The following PTPRU variants were observed in gnomAD, a reference collection of about 807,000 sequenced individuals.
The protein encoded by PTPRU is protein tyrosine phosphatase receptor type U, also known as receptor-type tyrosine-protein phosphatase U.
PTPRU carries 69 observed loss-of-function variants against 166.3 expected under a neutral mutation model. The ratio of observed to expected loss-of-function variants is 0.41; its 90% CI spans 0.34 to 0.51. The LOEUF (loss-of-function observed/expected upper bound fraction) is 0.51, where lower values mean the gene tolerates loss of function less well. Ranked by LOEUF, PTPRU falls within the 20% of genes least tolerant of loss-of-function variation. The pLI, the probability that PTPRU is intolerant of heterozygous loss-of-function variation, is 0.09. For missense variants in PTPRU, 1,657 were observed against 2,013.7 expected (o/e 0.82, Z 3.39); for synonymous variants, 793 against 814.0 (o/e 0.97, Z 0.44).
At chr1:29,263,525 A>G (rs779464017) in intron 7 of PTPRU, among the ~76,000 whole-genome samples, 4 of 152,196 alleles carry the variant, frequency 2.6e-5, no homozygotes, top group African/African-American at 4.8e-5. Flanking sequence ...TGTACCATAT[A>G]TATCATAAGA....
chr1:29,260,115 T>A lies in PTPRU; in HGVS notation c.850+71T>A. 10 of 1,112,488 alleles carry A rather than the reference T, an allele frequency of 9.0e-6. No individual in the cohort carries two copies. Among genetic ancestry groups the A allele is most frequent in the East Asian group, 8.2e-5 (2 of 24,292 alleles). 68.9% of individuals were successfully genotyped at this position (1,112,488 alleles called of 1,614,324 possible). A position where few individuals can be genotyped will look rare whatever the true frequency, so the allele number is the denominator to read the frequency against. ...GGCGGGGCCGGCGACGGGGGCGGGC[T>A]CTGCCCGGGGGCGTGGCCGTGGGGG... On this transcript the variant is annotated intron_variant, in intron 6 of 29. Coordinates refer to ENST00000373779, the MANE Select transcript of PTPRU (RefSeq NM_133178.4). This position sits in a 1 kb window ranked among gnomAD's most constrained non-coding sequence, Gnocchi z 8.3.
In PTPRU at chr1:29,260,977, G is replaced by A. The variant is rs115305488; in HGVS notation, c.1144+74G>A. On this transcript the variant is annotated intron_variant, in intron 7 of 29. Transcript: ENST00000373779. This position sits in a 1 kb window ranked among gnomAD's most constrained non-coding sequence, Gnocchi z 8.3. The stretch of plus-strand genomic sequence containing the variant: ...TATGGAGGGGCGCATTCGAGAGGTA[G>A]CGTGGCCTGTGCTTGTAAACCTTTC... 727 of 1,428,490 alleles carry A rather than the reference G, an allele frequency of 5.1e-4. 3 individuals carry two copies. In the African/African-American group the frequency reaches 8.0e-3, roughly 16 times the overall value. The allele number at this position is 1,428,490 out of a possible 1,614,324, so 88.5% of individuals were successfully genotyped here.
At chr1:29,284,982 A>T in intron 14 of PTPRU, 113 bp downstream of exon 14, 1 of 1,380,314 alleles carries the variant, frequency 7.2e-7, no homozygotes, top group Non-Finnish European at 9.7e-7. Flanking sequence ...AGGTGTGTGG[A>T]GGGCTGCCAG....
At chr1:29,268,534 TTCAG>T (rs1404405222) in intron 7 of PTPRU, among the ~76,000 whole-genome samples, 1 of 152,240 alleles carries the variant, frequency 6.6e-6, no homozygotes, top group East Asian at 1.9e-4. Context: ...GAATCCCCGA[TTCAG>T]TCCTTAGATT....
chr1:29,325,120 T>C, intron 28 of PTPRU, 71 bp from the exon 29 acceptor site: 1 of 1,584,956 alleles, frequency 6.3e-7, no homozygotes, highest in Non-Finnish European at 8.6e-7. Context: ...CCCTCCCTCG[T>C]GGTTCCCTGG....
intron 1 of PTPRU, among the ~76,000 whole-genome samples, chr1:29,251,908 C>T (rs1684559209): frequency 2.0e-5 from 3 of 152,222 alleles, no homozygotes; most frequent in Non-Finnish European, 4.4e-5. Context: ...CTGGCCTCCT[C>T]CTCCAGGAAG....
chr1:29,282,251 G>A (rs1178096065), intron 11 of PTPRU, among the ~76,000 whole-genome samples: 1 of 152,224 alleles, frequency 6.6e-6, no homozygotes, highest in Non-Finnish European at 1.5e-5. Context: ...GGCTAACCCT[G>A]TCATTTACTG....
At chr1:29,272,255 G>A (rs1321334803) in intron 7 of PTPRU, among the ~76,000 whole-genome samples, 1 of 152,258 alleles carries the variant, frequency 6.6e-6, no homozygotes, top group Admixed American at 6.5e-5. Context: ...GCAGCCCACA[G>A]TACCCAGGAT....
At chr1:29,285,026 GGGT>G (rs2151954951) in intron 14 of PTPRU, among the ~76,000 whole-genome samples, 157 bp downstream of exon 14, 1 of 152,296 alleles carries the variant, frequency 6.6e-6, no homozygotes, top group East Asian at 1.9e-4. Context: ...GATCTGAGCT[GGGT>G]GGTGGGAAGC....
chr1:29,282,677 G>C lies in PTPRU; in HGVS notation c.1870G>C (p.Val624Leu). 6.2e-7 allele frequency: 1 copy of C among 1,612,058 alleles called. No individual in the cohort carries two copies. Among genetic ancestry groups the C allele is most frequent in the Non-Finnish European group, 8.5e-7 (1 of 1,179,826 alleles). Residue 624 changes from valine (V) to leucine (L), a missense_variant and splice_region_variant, in exon 12 of 30, where the codon GTG becomes CTG. Around this residue, in one of 3 missense-constraint regions of PTPRU, gnomAD observed 1,190 missense variants for 1,477.4 expected, o/e 0.81. Coordinates refer to ENST00000373779, the MANE Select transcript of PTPRU (RefSeq NM_133178.4). The stretch of plus-strand genomic sequence containing the variant: ...CTGTACGCTCTCCTCCCTGTCCAGT[G>C]TGTACCAGGTGATTGTGGAGGAGGA... ...PAQGRGAPIS[V>L]YQVIVEEERA...
chr1:29,254,508 G>A (rs1024067592), intron 1 of PTPRU, among the ~76,000 whole-genome samples: 1 of 152,184 alleles, frequency 6.6e-6, no homozygotes, highest in African/African-American at 2.4e-5. Context: ...GCTTTTGCAT[G>A]TCACATTCCT....
At chr1:29,259,746 G>A (rs1049365723) in intron 5 of PTPRU, 124 bp from the exon 6 acceptor site, 11 of 1,313,340 alleles carry the variant, frequency 8.4e-6, no homozygotes, top group Admixed American at 2.7e-5. Context: ...CCAGGTTAGA[G>A]CGCGGCTCCA....
chr1:29,268,304 T>A (rs1295604329), intron 7 of PTPRU, among the ~76,000 whole-genome samples: 1 of 152,188 alleles, frequency 6.6e-6, no homozygotes, highest in Non-Finnish European at 1.5e-5. Context: ...GGATGAGATC[T>A]TTTACGCTAA....
intron 1 of PTPRU, among the ~76,000 whole-genome samples, chr1:29,248,840 C>T (rs1312844200): frequency 6.6e-6 from 1 of 152,146 alleles, no homozygotes; most frequent in Non-Finnish European, 1.5e-5. Context: ...CGTCTATACA[C>T]CCACGGCTTC....
At chr1:29,275,424 C>T (rs376993655) in intron 7 of PTPRU, 24 bp from the exon 8 acceptor site, 2 of 1,581,212 alleles carry the variant, frequency 1.3e-6, no homozygotes, top group Non-Finnish European at 1.7e-6. Flanking sequence ...CTAACTTCTT[C>T]TCTCTGCTTC....
intron 1 of PTPRU, among the ~76,000 whole-genome samples, chr1:29,239,520 G>A (rs911981496): frequency 6.6e-6 from 1 of 152,152 alleles, no homozygotes; most frequent in African/African-American, 2.4e-5. Context: ...CTCCTGGACA[G>A]CCTGCTGCCC....
At chr1:29,275,243 G>A (rs1321591957) in intron 7 of PTPRU, among the ~76,000 whole-genome samples, 1 of 152,094 alleles carries the variant, frequency 6.6e-6, no homozygotes, top group Non-Finnish European at 1.5e-5. Flanking sequence ...AGCTGCAAGT[G>A]GCAGAGCCAG....
intron 7 of PTPRU, among the ~76,000 whole-genome samples, chr1:29,273,045 C>T (rs1013468211): frequency 4.6e-5 from 7 of 152,008 alleles, no homozygotes; most frequent in African/African-American, 9.7e-5. Context: ...ACTTTGCAGG[C>T]GATCACAGAA....
chr1:29,302,958 G>T (rs74506115), intron 15 of PTPRU, among the ~76,000 whole-genome samples: 1 of 152,140 alleles, frequency 6.6e-6, no homozygotes, highest in Non-Finnish European at 1.5e-5. Context: ...GGTTTGTAGC[G>T]TAGGAGCAAT....
Sources: allele counts gnomAD v4.1 joint callset (sites outside exome capture counted in the v4.1 genomes callset), GRCh38; gene constraint gnomAD v4.1.1; regional missense constraint gnomAD v4.1.1; non-coding constraint Gnocchi (gnomAD v3.1); transcripts MANE v1.5; gene names NCBI Gene and HGNC (gene_info 2026-07-23, HGNC 2026-07-21).